Variants in AMBRA1 observed in about 807,000 individuals in gnomAD.
The protein encoded by AMBRA1 is activating molecule in BECN1-regulated autophagy protein 1.
In AMBRA1, 47 loss-of-function variants were observed where a neutral mutation model predicts 125.4. The ratio of observed to expected loss-of-function variants is 0.37; its 90% CI spans 0.30 to 0.48. The LOEUF (loss-of-function observed/expected upper bound fraction) is 0.48, where lower values mean the gene tolerates loss of function less well. Among genes scored for constraint, AMBRA1 ranks in the 20% least tolerant of loss-of-function variants. The pLI is 0.99. For synonymous variants in AMBRA1, 626 were observed against 655.5 expected, an observed-to-expected ratio of 0.95 and a Z score of 0.69; for missense variants, 1,331 against 1,693.4, an observed-to-expected ratio of 0.79 and a Z score of 3.76.
At chr11:46,577,735 G>A (rs2135298679) in intron 1 of AMBRA1, among the ~76,000 whole-genome samples, 1 of 152,252 alleles carries the variant, frequency 6.6e-6, no homozygotes, top group Non-Finnish European at 1.5e-5. Flanking sequence ...CAGATCACCT[G>A]AGGTCGGGAG....
intron 14 of AMBRA1, among the ~76,000 whole-genome samples, chr11:46,431,146 T>A (rs1179468721): frequency 6.6e-6 from 1 of 152,184 alleles, no homozygotes; most frequent in East Asian, 1.9e-4. Flanking sequence ...GGGTGGACAC[T>A]TGGTTGACCT....
At chr11:46,398,015 C>T in intron 17 of AMBRA1, 72 bp from the exon 18 acceptor site, 2 of 1,510,330 alleles carry the variant, frequency 1.3e-6, no homozygotes, top group Middle Eastern at 1.8e-4. Flanking sequence ...TGGGCAGCCA[C>T]CGGTAGCAGC....
intron 15 of AMBRA1, among the ~76,000 whole-genome samples, chr11:46,411,508 G>A (rs1946297709): frequency 6.6e-6 from 1 of 152,184 alleles, no homozygotes. Flanking sequence ...TCACTCTGAT[G>A]CCCAGGCTGG....
chr11:46,401,231 T>A (rs1945740760), intron 17 of AMBRA1, among the ~76,000 whole-genome samples: 2 of 146,820 alleles, frequency 1.4e-5, no homozygotes, highest in East Asian at 4.2e-4. Flanking sequence ...TGCCAGGCGC[T>A]GTGCCTAGTG....
At chr11:46,572,651 TATC>T (rs1473727983) in intron 1 of AMBRA1, among the ~76,000 whole-genome samples, 4 of 152,128 alleles carry the variant, frequency 2.6e-5, no homozygotes, top group African/African-American at 9.7e-5. Flanking sequence ...TTGTCAGCAT[TATC>T]ATCATCATCT....
At chr11:46,493,469 A>G (rs866378941) in intron 11 of AMBRA1, 139 bp downstream of exon 11, 10 of 655,336 alleles carry the variant, frequency 1.5e-5, no homozygotes, top group Middle Eastern at 2.8e-4. Context: ...AAGGAACTGA[A>G]TATCAAACCA....
At chr11:46,403,394 C>T (rs934369466) in intron 17 of AMBRA1, among the ~76,000 whole-genome samples, 10 of 152,238 alleles carry the variant, frequency 6.6e-5, no homozygotes, top group Non-Finnish European at 1.2e-4. Context: ...AAAACAGAGG[C>T]TCAGATGACC....
At chr11:46,566,574 A>T (rs1044275133) in intron 1 of AMBRA1, among the ~76,000 whole-genome samples, 2 of 152,192 alleles carry the variant, frequency 1.3e-5, no homozygotes, top group Non-Finnish European at 2.9e-5. Context: ...TTAATGGTTG[A>T]AAGATTACAG....
At chr11:46,449,542 C>T (rs149216789) in intron 11 of AMBRA1, among the ~76,000 whole-genome samples, 1 of 152,264 alleles carries the variant, frequency 6.6e-6, no homozygotes, top group South Asian at 2.1e-4. Flanking sequence ...ACTAAATTAG[C>T]GAGATATTCC....
intron 15 of AMBRA1, among the ~76,000 whole-genome samples, chr11:46,410,851 C>T (rs1351122500): frequency 6.6e-6 from 1 of 152,172 alleles, no homozygotes; most frequent in Non-Finnish European, 1.5e-5. Flanking sequence ...GCCTGTAATC[C>T]CAGCACTTTG....
intron 11 of AMBRA1, among the ~76,000 whole-genome samples, chr11:46,478,934 C>A (rs144417301): frequency 1.3e-4 from 20 of 152,330 alleles, no homozygotes; most frequent in African/African-American, 4.8e-4. Flanking sequence ...CGCAGTGGCT[C>A]ACGCCAGTAA....
In AMBRA1 at chr11:46,397,785, T is replaced by C; in HGVS notation, c.3562A>G (p.Ile1188Val). ...FGNNIIVSHR[I>V]HRSSQTGTEP... ...GTGCCCGTCTGAGAGCTGCGGTGAA[T>C]GCGGTGGCTGACGATGATGTTGTTG... Residue 1188 changes from isoleucine to valine, a missense_variant, in exon 18 of 18, where the codon ATT (isoleucine) becomes GTT (valine). Around this residue, in one of 4 missense-constraint regions of AMBRA1, gnomAD observed 354 missense variants for 532.7 expected, o/e 0.66. Transcript: ENST00000683756. 2 of 1,610,832 alleles carry C rather than the reference T, an allele frequency of 1.2e-6. No homozygotes were observed. Among genetic ancestry groups the C allele is most frequent in the Non-Finnish European group, 1.7e-6 (2 of 1,179,980 alleles).
intron 11 of AMBRA1, among the ~76,000 whole-genome samples, chr11:46,470,568 G>A (rs1590889092): frequency 7.7e-6 from 1 of 130,620 alleles, no homozygotes; most frequent in African/African-American, 3.1e-5. Context: ...CAGCCTGGGC[G>A]ACAGAGTGAG....
At chr11:46,564,510 A>C (rs1280706355) in intron 1 of AMBRA1, among the ~76,000 whole-genome samples, 1 of 152,146 alleles carries the variant, frequency 6.6e-6, no homozygotes, top group Non-Finnish European at 1.5e-5. Flanking sequence ...TCTGTTGCCA[A>C]ATGAGCAGTA....
chr11:46,545,377 G>A (rs1328808441), intron 5 of AMBRA1, among the ~76,000 whole-genome samples: 6 of 151,916 alleles, frequency 3.9e-5, no homozygotes, highest in Admixed American at 3.9e-4. Flanking sequence ...CACGAGAATC[G>A]CTTGAACCTA....
In AMBRA1 at chr11:46,408,574, G is replaced by C. The variant is rs752934046; in HGVS notation, c.3342C>G (p.Ala1114=). 2 of 1,606,862 alleles carry C rather than the reference G, an allele frequency of 1.2e-6. No individual in the cohort carries two copies. The highest frequency in any genetic ancestry group is 1.7e-6 in the Non-Finnish European group (2 of 1,175,620). Residue 1114 remains alanine, a synonymous_variant, in exon 17 of 18, where the codon GCC becomes GCG. Transcript: ENST00000683756. Reference sequence around the variant, plus strand: ...GCACCTCCCTCTCAGTCTGTGTTTCGGCATTCTGCAGCTGAAGGGCCAGAG... The same window carrying C: ...GCACCTCCCTCTCAGTCTGTGTTTCCGCATTCTGCAGCTGAAGGGCCAGAG... The part of the protein sequence containing the change: ...TQTLALQLQN[A]ETQTEREVPE...
chr11:46,538,474 A>C (rs1030322012), intron 7 of AMBRA1, among the ~76,000 whole-genome samples: 17 of 152,148 alleles, frequency 1.1e-4, no homozygotes, highest in Non-Finnish European at 2.4e-4. Context: ...TTAAACAAAA[A>C]ATTATGGTAC....
chr11:46,442,165 T>A (rs919591838), intron 12 of AMBRA1, among the ~76,000 whole-genome samples: 1 of 150,878 alleles, frequency 6.6e-6, no homozygotes, highest in South Asian at 2.1e-4. Context: ...TTTTTGGAGA[T>A]AGGGTGTCAC....
intron 7 of AMBRA1, among the ~76,000 whole-genome samples, chr11:46,537,601 C>T (rs1038264714): frequency 2.0e-5 from 3 of 152,144 alleles, no homozygotes; most frequent in East Asian, 3.9e-4. Flanking sequence ...GAAGCAAAGG[C>T]CCACCACTCA....
Sources: allele counts gnomAD v4.1 joint callset (sites outside exome capture counted in the v4.1 genomes callset), GRCh38; gene constraint gnomAD v4.1.1; regional missense constraint gnomAD v4.1.1; transcripts MANE v1.5; gene names NCBI Gene and HGNC (gene_info 2026-07-23, HGNC 2026-07-21).